LGALS14: variants seen among roughly 807,000 people sequenced by gnomAD.
The protein encoded by LGALS14 is galectin 14.
A neutral mutation model predicts 14.6 loss-of-function variants in LGALS14; 14 were observed. The ratio of observed to expected loss-of-function variants is 0.96; its 90% CI spans 0.64 to 1.50. LGALS14 has a LOEUF of 1.50. Among genes scored for constraint, LGALS14 ranks in the 40% most tolerant of loss-of-function variants. LGALS14 has a pLI of 0.00. For synonymous variants in LGALS14, 57 were observed against 63.9 expected (o/e 0.89, Z 0.51); for missense variants, 180 against 172.0 (o/e 1.05, Z -0.26).
At position 39,706,646 on chromosome 19, in the gene LGALS14, T is replaced by A. The variant is rs771332310; in HGVS notation, c.65T>A (p.Ile22Asn). The A allele has an allele frequency of 6.2e-7, 1 of 1,613,946 alleles. No homozygotes were observed. Among genetic ancestry groups the A allele is most frequent in the Non-Finnish European group, 8.5e-7 (1 of 1,179,836 alleles). Reference sequence around the variant, plus strand: ...TTGCCTGTTGGTTCGTGCGTGATAATCACAGGGACACCGATCCTCACTTTT... The same window carrying A: ...TTGCCTGTTGGTTCGTGCGTGATAAACACAGGGACACCGATCCTCACTTTT... Reference protein sequence around the residue: ...VSLPVGSCVIITGTPILTFVK... With the variant: ...VSLPVGSCVINTGTPILTFVK... The change falls in exon 2 of 4, where the codon ATC (isoleucine) becomes AAC (asparagine). Residue 22 changes from isoleucine to asparagine, a missense_variant. By Grantham distance (149) the Ile-to-Asn change is moderately radical. Coordinates refer to ENST00000392052, the MANE Select transcript of LGALS14 (RefSeq NM_020129.3).
intron 2 of LGALS14, 124 bp from the exon 3 acceptor site, chr19:39,707,054 G>A (rs1316605813): frequency 2.7e-6 from 2 of 739,438 alleles, no homozygotes; most frequent in Non-Finnish European, 4.7e-6. Context: ...CAGGGACCAG[G>A]ACTGCAGTAT....
In LGALS14 at chr19:39,709,235, T is replaced by A. The variant is rs1236700066; in HGVS notation, c.342T>A (p.His114Gln). 1 of 1,613,650 alleles carries A rather than the reference T, an allele frequency of 6.2e-7. No individual in the cohort carries two copies. Among genetic ancestry groups the A allele is most frequent in the South Asian group, 1.1e-5 (1 of 91,066 alleles). ...VNGQRIYNFA[H>Q]RFPPASVKML... ...GCCAACGCATTTACAACTTTGCCCA[T>A]CGATTCCCGCCAGCATCTGTGAAGA... is the stretch of plus-strand genomic sequence containing the variant. Residue 114 changes from histidine to glutamine, a missense_variant, in exon 4 of 4, where the codon CAT becomes CAA. Transcript: ENST00000392052.
intron 1 of LGALS14, among the ~76,000 whole-genome samples, chr19:39,705,241 A>G (rs1973697013): frequency 6.6e-6 from 1 of 152,158 alleles, no homozygotes; most frequent in Non-Finnish European, 1.5e-5. Context: ...CTTCCCAGTA[A>G]GAGTGAGGAA....
chr19:39,707,016 G>C (rs1456428647), intron 2 of LGALS14, among the ~76,000 whole-genome samples, 162 bp from the exon 3 acceptor site: 1 of 152,234 alleles, frequency 6.6e-6, no homozygotes, highest in African/African-American at 2.4e-5. Context: ...CTCCCTGCCT[G>C]GGGGCATGAG....
chr19:39,707,064 T>C (rs1973724865), intron 2 of LGALS14, 114 bp from the exon 3 acceptor site: 3 of 787,762 alleles, frequency 3.8e-6, no homozygotes, highest in Admixed American at 4.0e-5. Flanking sequence ...GACTGCAGTA[T>C]CATCGGGGAG....
chr19:39,708,390 C>T (rs1025179447), intron 3 of LGALS14, among the ~76,000 whole-genome samples: 5 of 151,778 alleles, frequency 3.3e-5, no homozygotes, highest in African/African-American at 4.8e-5. Context: ...CAAATGATGC[C>T]GTATTAAGTT....
At chr19:39,706,121 G>T in intron 1 of LGALS14, 1 of 1,445,800 alleles carries the variant, frequency 6.9e-7, no homozygotes. Context: ...TCACCCTCAA[G>T]TCTTGTTTTC....
At chr19:39,708,222 T>C in intron 3 of LGALS14, among the ~76,000 whole-genome samples, 1 of 152,222 alleles carries the variant, frequency 6.6e-6, no homozygotes, top group Non-Finnish European at 1.5e-5. Context: ...GCAACTAAGT[T>C]GATTTGTTGT....
chr19:39,705,772 GA>G lies in LGALS14; in HGVS notation c.16-824del, dbSNP rs368314279. 374 of 1,008,336 alleles carry G rather than the reference GA, an allele frequency of 3.7e-4. 4 individuals carry two copies. In the African/African-American group the frequency reaches 5.2e-3, roughly 14 times the overall value. The allele number at this position is 1,008,336 out of a possible 1,614,324, so 62.5% of individuals were successfully genotyped here. A position where few individuals can be genotyped will look rare whatever the true frequency, so the allele number is the denominator to read the frequency against. ...ATGTGTGAGGATCACTGCAGTCCAG[GA>G]GTTCGATGTTTCAGTGAGCTGTGAT... On this transcript the variant is annotated intron_variant, in intron 1 of 3. Transcript: ENST00000392052.
chr19:39,705,542 G>A (rs3786939), intron 1 of LGALS14, among the ~76,000 whole-genome samples: 25,279 of 152,060 alleles, frequency 0.17, 2,521 homozygotes, highest in South Asian at 0.36. Context: ...TGCTTACTGT[G>A]GACATTACTC....
Position 39,707,306 on chromosome 19 carries a change from A to G in LGALS14, c.221A>G (p.Tyr74Cys). 1 of 1,614,144 alleles carries G rather than the reference A, an allele frequency of 6.2e-7. No individual in the cohort carries two copies. Among genetic ancestry groups the G allele is most frequent in the South Asian group, 1.1e-5 (1 of 91,090 alleles). ...MNSCVFGIWR[Y>C]EEKCYYLPFE... ...AGTTGTGTGTTTGGCATATGGAGAT[A>G]TGAGGAGAAATGCTACTATTTACCC... Residue 74 changes from tyrosine (Y) to cysteine (C), a missense_variant, in exon 3 of 4, where the codon TAT becomes TGT. Transcript: ENST00000392052.
At chr19:39,707,107 T>G (rs1600835465) in intron 2 of LGALS14, 71 bp from the exon 3 acceptor site, 1 of 1,189,708 alleles carries the variant, frequency 8.4e-7, no homozygotes, top group Non-Finnish European at 1.2e-6. Context: ...GGGAAGGGAT[T>G]TGTGTGTGTG....
intron 1 of LGALS14, chr19:39,705,744 C>T (rs373704366): frequency 5.8e-6 from 4 of 683,784 alleles, no homozygotes; most frequent in East Asian, 3.0e-5. Context: ...CAAGAGGGGG[C>T]AGATGTGTGA....
intron 2 of LGALS14, among the ~76,000 whole-genome samples, chr19:39,706,938 T>A (rs1183705271): frequency 6.6e-6 from 1 of 152,162 alleles, no homozygotes. Context: ...TTTCAGGAAA[T>A]GAACAAGTCA....
intron 1 of LGALS14, 102 bp from the exon 2 acceptor site, chr19:39,706,495 G>A (rs1973716469): frequency 2.4e-6 from 2 of 832,480 alleles, no homozygotes; most frequent in Non-Finnish European, 4.1e-6. Flanking sequence ...AGGCCTCAGA[G>A]TCTGACCTTT....
intron 2 of LGALS14, 101 bp from the exon 3 acceptor site, chr19:39,707,077 T>C: frequency 1.1e-6 from 1 of 921,580 alleles, no homozygotes; most frequent in Non-Finnish European, 1.7e-6. Flanking sequence ...TCGGGGAGAC[T>C]TTTTGCCCTG....
chr19:39,707,104 G>A (rs935052368), intron 2 of LGALS14, 74 bp from the exon 3 acceptor site: 38 of 1,178,018 alleles, frequency 3.2e-5, no homozygotes, highest in Non-Finnish European at 3.8e-6. Context: ...GGGGGGAAGG[G>A]ATTTGTGTGT....
Position 39,708,811 on chromosome 19 carries a change from G to GAACTGA in LGALS14, c.304-383_304-378dup, listed in dbSNP as rs372134664. On this transcript the variant is annotated intron_variant, in intron 3 of 3. Transcript: ENST00000392052. The stretch of plus-strand genomic sequence containing the variant: ...TAGTGAAAGGCAGTCACAGTTCATG[G>GAACTGA]AACTGAAAAGTATGCATTCAATGAA... Among the ~76,000 whole-genome samples, 791 of 152,236 alleles carry GAACTGA rather than the reference G, an allele frequency of 5.2e-3. 5 individuals carry two copies. The highest frequency in any genetic ancestry group is 0.018 in the African/African-American group (746 of 41,506).
intron 3 of LGALS14, 112 bp from the exon 4 acceptor site, chr19:39,709,085 T>C (rs1483740589): frequency 3.9e-6 from 3 of 760,298 alleles, no homozygotes; most frequent in African/African-American, 3.4e-5. Context: ...GGTTCACTTG[T>C]GTAACTAGGA....
Sources: allele counts gnomAD v4.1 joint callset (sites outside exome capture counted in the v4.1 genomes callset), GRCh38; gene constraint gnomAD v4.1.1; transcripts MANE v1.5; gene names NCBI Gene and HGNC (gene_info 2026-07-23, HGNC 2026-07-21).